PPFIA2: variants seen among roughly 807,000 people sequenced by gnomAD.
PPFIA2 encodes liprin-alpha-2.
PPFIA2 carries 46 observed loss-of-function variants against 175.5 expected under a neutral mutation model. That is an observed-to-expected ratio of 0.26 (90% CI 0.21 to 0.34). The LOEUF (loss-of-function observed/expected upper bound fraction) is 0.34. Among genes scored for constraint, PPFIA2 ranks in the 10% least tolerant of loss-of-function variants. PPFIA2 has a pLI of 1.00. For synonymous variants in PPFIA2, 568 were observed against 511.4 expected, an observed-to-expected ratio of 1.11 and a Z score of -1.49; for missense variants, 1,179 against 1,506.1, an observed-to-expected ratio of 0.78 and a Z score of 3.60.
chr12:81,262,015 T>C lies in PPFIA2; in HGVS notation c.3741A>G (p.Leu1247=), dbSNP rs773379232. The change falls in exon 32 of 33, where the codon TTA becomes TTG. Residue 1247 remains leucine (L), a synonymous_variant. Coordinates refer to ENST00000549396, the MANE Select transcript of PPFIA2 (RefSeq NM_003625.5). ...TDVASSRLQR[L]DNSTVRTYSC ...AGTATGTGCGAACAGTGGAGTTGTCTAACCTCTGCAGTCTTGATGAAGCAA... is the reference window on the plus strand; with the variant it reads ...AGTATGTGCGAACAGTGGAGTTGTCCAACCTCTGCAGTCTTGATGAAGCAA... 5 of 1,605,774 alleles carry C rather than the reference T, an allele frequency of 3.1e-6. No individual in the cohort carries two copies. Among genetic ancestry groups the C allele is most frequent in the Non-Finnish European group, 3.4e-6 (4 of 1,175,824 alleles).
intron 22 of PPFIA2, among the ~76,000 whole-genome samples, chr12:81,311,865 T>C (rs943494733): frequency 2.6e-5 from 4 of 152,106 alleles, no homozygotes; most frequent in African/African-American, 9.7e-5. Flanking sequence ...ATTGACCCTT[T>C]AGGGAATTAC....
chr12:81,440,320 C>T (rs541176597), intron 6 of PPFIA2, among the ~76,000 whole-genome samples: 189 of 152,086 alleles, frequency 1.2e-3, no homozygotes, highest in South Asian at 0.01. Context: ...TTGTCTTGCT[C>T]TGAATTCTGA....
intron 3 of PPFIA2, among the ~76,000 whole-genome samples, chr12:81,730,396 A>G (rs1056625571): frequency 1.3e-5 from 2 of 151,638 alleles, no homozygotes; most frequent in Non-Finnish European, 3.0e-5. Context: ...ATTTACTATC[A>G]TGGCGGAAGG....
chr12:81,495,866 G>A (rs139293327), intron 4 of PPFIA2, among the ~76,000 whole-genome samples: 20 of 152,146 alleles, frequency 1.3e-4, no homozygotes, highest in South Asian at 4.1e-4. Context: ...ATTTTAAAAT[G>A]TTCTTTTGTG....
chr12:81,297,480 G>T (rs1481056142), intron 23 of PPFIA2, among the ~76,000 whole-genome samples: 1 of 152,062 alleles, frequency 6.6e-6, no homozygotes, highest in Non-Finnish European at 1.5e-5. Flanking sequence ...GAAAAGAAGG[G>T]GAAGATCTAA....
chr12:81,639,740 G>T (rs2064692083), intron 4 of PPFIA2, among the ~76,000 whole-genome samples: 1 of 152,042 alleles, frequency 6.6e-6, no homozygotes, highest in Non-Finnish European at 1.5e-5. Context: ...AATGTCTTTT[G>T]AATAGGACTG....
rs116935042 is a variant in PPFIA2 at position 81,706,214 on chromosome 12, C to T, written c.250-29370G>A. Reference sequence around the variant, plus strand: ...GGAGTTTGCAAAATTCTTTCTAAAACAATATGTAATATAAATAAGGAAGCA... The same window carrying T: ...GGAGTTTGCAAAATTCTTTCTAAAATAATATGTAATATAAATAAGGAAGCA... On this transcript the variant is annotated intron_variant, in intron 3 of 32. Coordinates refer to ENST00000549396, the MANE Select transcript of PPFIA2 (RefSeq NM_003625.5). Among the ~76,000 whole-genome samples, 717 of 152,190 alleles carry T rather than the reference C, an allele frequency of 4.7e-3. 3 individuals carry two copies. Among genetic ancestry groups the T allele is most frequent in the Non-Finnish European group, 7.7e-3 (525 of 67,984 alleles).
rs1285028413 is a variant in PPFIA2, at chr12:81,725,027, G to T, written c.249+28946C>A. On this transcript the variant is annotated intron_variant, in intron 3 of 32. Transcript: ENST00000549396. Reference sequence around the variant, plus strand: ...ACTTTTAATTATAGCCATTCTAACCGGTTTAAGGTGGTATCTCATTGTGAT... The same window carrying T: ...ACTTTTAATTATAGCCATTCTAACCTGTTTAAGGTGGTATCTCATTGTGAT... 2.0e-5 allele frequency among the ~76,000 whole-genome samples: 3 copies of T among 150,802 alleles called. No homozygotes were observed. In the East Asian group the frequency reaches 5.9e-4, roughly 29 times the overall value.
At chr12:81,333,452 C>G (rs2056517990) in intron 21 of PPFIA2, among the ~76,000 whole-genome samples, 1 of 152,156 alleles carries the variant, frequency 6.6e-6, no homozygotes. Context: ...CAACCTTCCT[C>G]CAGGTTGATG....
At chr12:81,683,754 A>T (rs868522493) in intron 3 of PPFIA2, among the ~76,000 whole-genome samples, 3 of 152,068 alleles carry the variant, frequency 2.0e-5, no homozygotes, top group Non-Finnish European at 2.9e-5. Context: ...GCTATAAAGG[A>T]TGACCTGAGG....
At chr12:81,299,228 C>T in intron 23 of PPFIA2, 73 bp downstream of exon 23, 2 of 1,478,534 alleles carry the variant, frequency 1.4e-6, no homozygotes, top group South Asian at 2.7e-5. Context: ...CAGAAACTTG[C>T]CGTTACCTGT....
chr12:81,716,577 A>G (rs932132610), intron 3 of PPFIA2, among the ~76,000 whole-genome samples: 2 of 147,262 alleles, frequency 1.4e-5, no homozygotes, highest in Non-Finnish European at 3.0e-5. Flanking sequence ...CACACACACA[A>G]GCACACACAT....
chr12:81,690,641 A>C (rs910820898), intron 3 of PPFIA2, among the ~76,000 whole-genome samples: 2 of 152,062 alleles, frequency 1.3e-5, no homozygotes, highest in Admixed American at 1.3e-4. Flanking sequence ...ACTAAATTCC[A>C]TTCCATGTGA....
intron 4 of PPFIA2, among the ~76,000 whole-genome samples, chr12:81,548,539 C>T (rs2067351076): frequency 6.6e-6 from 1 of 152,026 alleles, no homozygotes; most frequent in Non-Finnish European, 1.5e-5. Context: ...CAATATGTTA[C>T]CTAGACTGCA....
At chr12:81,380,537 G>GA (rs5799525) in intron 9 of PPFIA2, among the ~76,000 whole-genome samples, 8 of 151,070 alleles carry the variant, frequency 5.3e-5, no homozygotes, top group Non-Finnish European at 7.4e-5. Flanking sequence ...CCTGCTTATT[G>GA]AAAAAAAAAG....
At chr12:81,455,729 A>G (rs1050231317) in intron 5 of PPFIA2, among the ~76,000 whole-genome samples, 1 of 152,184 alleles carries the variant, frequency 6.6e-6, no homozygotes, top group Admixed American at 6.5e-5. Flanking sequence ...CTGTTAAGCA[A>G]TGTCCTCTCT....
intron 4 of PPFIA2, among the ~76,000 whole-genome samples, chr12:81,664,686 G>A (rs1461773242): frequency 6.6e-6 from 1 of 151,938 alleles, no homozygotes; most frequent in Non-Finnish European, 1.5e-5. Flanking sequence ...CCCATTACTG[G>A]GTACATACCC....
At chr12:81,372,910 T>C (rs1050229358) in intron 11 of PPFIA2, among the ~76,000 whole-genome samples, 1 of 151,522 alleles carries the variant, frequency 6.6e-6, no homozygotes, top group African/African-American at 2.4e-5. Context: ...AGGGGAGCTA[T>C]TTTTTGTGCC....
intron 4 of PPFIA2, among the ~76,000 whole-genome samples, chr12:81,548,446 T>A (rs2153362905): frequency 6.6e-6 from 1 of 152,306 alleles, no homozygotes; most frequent in Admixed American, 6.5e-5. Flanking sequence ...GATTTTTAGG[T>A]TTGTCCAAAG....
Sources: allele counts gnomAD v4.1 joint callset (sites outside exome capture counted in the v4.1 genomes callset), GRCh38; gene constraint gnomAD v4.1.1; transcripts MANE v1.5; gene names NCBI Gene and HGNC (gene_info 2026-07-23, HGNC 2026-07-21).